DNAH11: variants seen among roughly 807,000 people sequenced by gnomAD.
The protein encoded by DNAH11 is dynein axonemal heavy chain 11.
DNAH11 carries 442 observed loss-of-function variants against 526.0 expected under a neutral mutation model. The observed-to-expected ratio is 0.84, with a 90% CI of 0.78 to 0.91. The LOEUF (loss-of-function observed/expected upper bound fraction) is 0.91, where lower values mean the gene tolerates loss of function less well. DNAH11 is among the 40% of genes least tolerant of loss of function. The pLI is 0.00. For synonymous variants in DNAH11, 2,461 were observed against 1,935.9 expected (o/e 1.27, Z -7.12); for missense variants, 6,989 against 5,448.7 (o/e 1.28, Z -8.90).
At chr7:21,637,479 C>A in intron 26 of DNAH11, 132 bp from the exon 27 acceptor site, 2 of 670,190 alleles carry the variant, frequency 3.0e-6, no homozygotes, top group Non-Finnish European at 5.3e-6. Context: ...GATGTGGTGT[C>A]AGACATTCTT....
intron 49 of DNAH11, among the ~76,000 whole-genome samples, chr7:21,744,193 C>T (rs1171750996): frequency 6.6e-6 from 1 of 152,142 alleles, no homozygotes; most frequent in African/African-American, 2.4e-5. Context: ...ATATTTAGTG[C>T]CTGTGCTGGC....
chr7:21,757,913 G>C (rs982171205), intron 54 of DNAH11, among the ~76,000 whole-genome samples: 1 of 152,204 alleles, frequency 6.6e-6, no homozygotes, highest in Non-Finnish European at 1.5e-5. Flanking sequence ...TGGAAAATCA[G>C]ATATCGCAGA....
chr7:21,788,198 C>T lies in DNAH11; in HGVS notation c.9924+615C>T, dbSNP rs1201297664. 7.2e-5 allele frequency among the ~76,000 whole-genome samples: 11 copies of T among 152,268 alleles called. No individual in the cohort carries two copies. In the South Asian group the frequency reaches 8.3e-4, roughly 11 times the overall value. ...TCTAATAAGGGAACAATGCATGGCT[C>T]ACAACTCTGAAGAACTCTCATTTTT... On this transcript the variant is annotated intron_variant, in intron 60 of 81. Transcript: ENST00000409508.
chr7:21,762,119 G>A (rs1786948371), intron 54 of DNAH11, among the ~76,000 whole-genome samples: 1 of 152,128 alleles, frequency 6.6e-6, no homozygotes, highest in Non-Finnish European at 1.5e-5. Context: ...CCACCCCCAT[G>A]CTCCAGTCGC....
chr7:21,736,415 A>G (rs1785614012), intron 46 of DNAH11, among the ~76,000 whole-genome samples: 1 of 152,148 alleles, frequency 6.6e-6, no homozygotes, highest in South Asian at 2.1e-4. Context: ...GAAAGAGCTG[A>G]TGTCGGAAGG....
At chr7:21,798,153 G>T (rs150848730) in intron 61 of DNAH11, among the ~76,000 whole-genome samples, 318 of 152,310 alleles carry the variant, frequency 2.1e-3, no homozygotes, top group African/African-American at 7.2e-3. Context: ...TTGGAGTGCA[G>T]TGGCACGATC....
rs772431470 is a variant in DNAH11 at position 21,816,482 on chromosome 7, A to T, written c.10348A>T (p.Thr3450Ser). The change falls in exon 64 of 82, where the codon ACC becomes TCC. Residue 3450 changes from threonine (T) to serine (S), a missense_variant. Thr to Ser is a moderately conservative substitution (Grantham distance 58). Coordinates refer to ENST00000409508, the MANE Select transcript of DNAH11 (RefSeq NM_001277115.2). ...GATTTTAAAGGTTTCCATTCCACTA[A>T]CCGAAGGCCTGGACTTGATATCCAT... ...FLQQKVSIPL[T>S]EGLDLISMLT... 1.9e-6 allele frequency: 3 copies of T among 1,606,852 alleles called. No individual in the cohort carries two copies. In the African/African-American group the frequency reaches 4.0e-5, roughly 21 times the overall value.
At chr7:21,727,954 A>G (rs1397463819) in intron 45 of DNAH11, among the ~76,000 whole-genome samples, 3 of 152,172 alleles carry the variant, frequency 2.0e-5, no homozygotes, top group African/African-American at 7.2e-5. Flanking sequence ...TTCTCTGTGC[A>G]CATTCATGCT....
In DNAH11 at chr7:21,592,529, G is replaced by A. The variant is rs573782080; in HGVS notation, c.2667+952G>A. On this transcript the variant is annotated intron_variant, in intron 14 of 81. Transcript: ENST00000409508. ...ATGTGGGGTTAGCAGGCTGTTATGA[G>A]GACTTTGGATTTTACCGTAAGGGGA... 5.3e-5 allele frequency among the ~76,000 whole-genome samples: 8 copies of A among 152,286 alleles called. No homozygotes were observed. In the East Asian group the frequency reaches 1.5e-3, roughly 29 times the overall value.
In DNAH11 at chr7:21,788,130, A is replaced by T. The variant is rs1788274728; in HGVS notation, c.9924+547A>T. ...GTAGTCATTTATTTATCAAATATTT[A>T]TCACCGACCAACTGTATCCCAAGCA... On this transcript the variant is annotated intron_variant, in intron 60 of 81. Transcript: ENST00000409508. Among the ~76,000 whole-genome samples, 4 of 152,192 alleles carry T rather than the reference A, an allele frequency of 2.6e-5. No individual in the cohort carries two copies. In the South Asian group the frequency reaches 8.3e-4, roughly 32 times the overall value.
In DNAH11 at chr7:21,600,700, C is replaced by A; in HGVS notation, c.3025C>A (p.Leu1009Met). 6.2e-7 allele frequency: 1 copy of A among 1,612,592 alleles called. No homozygotes were observed. The highest frequency in any genetic ancestry group is 1.3e-5 in the African/African-American group (1 of 74,980). Reference protein sequence around the residue: ...YQNDMDNMLGLAEVRQEIMNR... With the variant: ...YQNDMDNMLGMAEVRQEIMNR... ...GAATGATATGGATAACATGTTAGGC[C>A]TGGCAGAGGTCAGGCAGGAGATCAT... The change falls in exon 16 of 82, where the codon CTG (leucine) becomes ATG (methionine). Residue 1009 changes from leucine (L) to methionine (M), a missense_variant. Transcript: ENST00000409508.
At chr7:21,552,694 T>C (rs1345622481) in intron 2 of DNAH11, among the ~76,000 whole-genome samples, 1 of 152,196 alleles carries the variant, frequency 6.6e-6, no homozygotes, top group African/African-American at 2.4e-5. Flanking sequence ...CCATGAAACC[T>C]TGTGGCAGCA....
chr7:21,872,374 A>G (rs1783537079), intron 73 of DNAH11, among the ~76,000 whole-genome samples: 1 of 152,116 alleles, frequency 6.6e-6, no homozygotes, highest in Non-Finnish European at 1.5e-5. Flanking sequence ...AATTTTAAAG[A>G]AGGATACTTG....
At chr7:21,690,542 G>C (rs1783572764) in intron 34 of DNAH11, among the ~76,000 whole-genome samples, 1 of 152,092 alleles carries the variant, frequency 6.6e-6, no homozygotes, top group South Asian at 2.1e-4. Context: ...AAATAAAAAA[G>C]AATACTTCCC....
chr7:21,543,329 G>A lies in DNAH11; in HGVS notation c.84G>A (p.Glu28=), dbSNP rs1243832682. The change falls in exon 1 of 82, where the codon GAG becomes GAA. Residue 28 remains glutamate, a synonymous_variant. Transcript: ENST00000409508. ...GCCTAACCTCGGGGGCCGGCCTGGAGGCAGTGGGCGCTGTGGAGCTCGAGG... is the reference window on the plus strand; with the variant it reads ...GCCTAACCTCGGGGGCCGGCCTGGAAGCAGTGGGCGCTGTGGAGCTCGAGG... ...TLRLTSGAGL[E]AVGAVELEEE... 1.2e-5 allele frequency: 18 copies of A among 1,550,768 alleles called. No homozygotes were observed. Among genetic ancestry groups the A allele is most frequent in the Non-Finnish European group, 1.6e-5 (18 of 1,146,728 alleles).
intron 30 of DNAH11, among the ~76,000 whole-genome samples, chr7:21,663,452 A>G (rs1385841920): frequency 6.6e-6 from 1 of 152,200 alleles, no homozygotes; most frequent in East Asian, 1.9e-4. Context: ...AGAATGTATA[A>G]GAGTTCTTTT....
At chr7:21,620,212 C>G in intron 25 of DNAH11, 134 bp downstream of exon 25, 1 of 782,362 alleles carries the variant, frequency 1.3e-6, no homozygotes, top group South Asian at 2.7e-5. Flanking sequence ...TAACCGTCAT[C>G]TCATACACTT....
chr7:21,716,398 T>C (rs1562505804), intron 42 of DNAH11, among the ~76,000 whole-genome samples: 2 of 152,170 alleles, frequency 1.3e-5, no homozygotes. Context: ...TACATAATCC[T>C]CACAACCACC....
At chr7:21,616,522 C>G (rs905419148) in intron 22 of DNAH11, among the ~76,000 whole-genome samples, 1 of 152,084 alleles carries the variant, frequency 6.6e-6, no homozygotes. Flanking sequence ...TTATGAGAAG[C>G]TACTCTAATT....
Sources: gnomAD v4.1 joint callset for allele counts (sites outside exome capture counted in the v4.1 genomes callset) on GRCh38, gnomAD v4.1.1 for gene constraint, MANE v1.5 for transcripts, NCBI Gene and HGNC (gene_info 2026-07-23, HGNC 2026-07-21) for gene names.